Variants in CSNK2A2 observed in about 807,000 individuals in gnomAD.
CSNK2A2 encodes casein kinase 2 alpha 2.
CSNK2A2 carries 8 observed loss-of-function variants against 54.0 expected under a neutral mutation model. The ratio of observed to expected loss-of-function variants is 0.15; its 90% CI spans 0.09 to 0.27. The LOEUF is 0.27. Among genes scored for constraint, CSNK2A2 ranks in the 10% least tolerant of loss-of-function variants. The pLI is 1.00. For missense variants in CSNK2A2, 242 were observed against 439.4 expected, an observed-to-expected ratio of 0.55 and a Z score of 4.02; for synonymous variants, 141 against 153.9, an observed-to-expected ratio of 0.92 and a Z score of 0.62.
At chr16:58,187,391 A>C (rs930850690) in intron 2 of CSNK2A2, among the ~76,000 whole-genome samples, 1 of 152,144 alleles carries the variant, frequency 6.6e-6, no homozygotes, top group Non-Finnish European at 1.5e-5. Context: ...CTAGAATCTG[A>C]AATCAGCACA....
At chr16:58,165,517 T>C in intron 10 of CSNK2A2, 43 bp downstream of exon 10, 1 of 1,540,340 alleles carries the variant, frequency 6.5e-7, no homozygotes, top group Non-Finnish European at 8.7e-7. Flanking sequence ...AGATTTGTTC[T>C]CTTGACTGAA....
intron 4 of CSNK2A2, among the ~76,000 whole-genome samples, chr16:58,176,287 A>G (rs1385391976): frequency 6.6e-6 from 1 of 152,200 alleles, no homozygotes; most frequent in Non-Finnish European, 1.5e-5. Flanking sequence ...CTCCCTCATC[A>G]TGTGGTACCT....
chr16:58,180,654 T>C (rs1962012925), intron 4 of CSNK2A2, among the ~76,000 whole-genome samples: 1 of 152,144 alleles, frequency 6.6e-6, no homozygotes, highest in African/African-American at 2.4e-5. Flanking sequence ...TAGTATAACC[T>C]TGATAGCAAA....
chr16:58,196,396 G>A (rs1263659121), intron 2 of CSNK2A2, among the ~76,000 whole-genome samples: 1 of 150,466 alleles, frequency 6.6e-6, no homozygotes, highest in Non-Finnish European at 1.5e-5. Flanking sequence ...TCCTTTTGGA[G>A]GACTGCTTGA....
At chr16:58,177,013 A>C (rs147983311) in intron 4 of CSNK2A2, among the ~76,000 whole-genome samples, 2 of 152,230 alleles carry the variant, frequency 1.3e-5, no homozygotes, top group African/African-American at 4.8e-5. Flanking sequence ...AAGATCTCTG[A>C]ACTCTCCCCA....
At chr16:58,184,210 A>C in intron 4 of CSNK2A2, 50 bp downstream of exon 4, 3 of 1,420,838 alleles carry the variant, frequency 2.1e-6, no homozygotes, top group Non-Finnish European at 2.9e-6. Flanking sequence ...ATTTATCACC[A>C]GCTCCCCCTC....
At chr16:58,179,076 G>C (rs1453384195) in intron 4 of CSNK2A2, among the ~76,000 whole-genome samples, 1 of 152,074 alleles carries the variant, frequency 6.6e-6, no homozygotes, top group Non-Finnish European at 1.5e-5. Flanking sequence ...AAATTTCTTT[G>C]GTATACTAAA....
rs918679335 is a variant in CSNK2A2, at chr16:58,186,974, CAA to C, written c.217-120_217-119del. On this transcript the variant is annotated intron_variant, in intron 2 of 11. Coordinates refer to ENST00000262506, the MANE Select transcript of CSNK2A2 (RefSeq NM_001896.4). ...GCTATCTTGTACACTCTGTTGTGTT[CAA>C]GAGTGTGCCTAAATTTGAAAAAACT... The C allele has an allele frequency of 1.1e-4, 82 of 740,326 alleles. No homozygotes were observed. The African/African-American group carries it at 1.1e-3, about 10-fold the overall frequency. The allele number at this position is 740,326 out of a possible 1,614,324, so 45.9% of individuals were successfully genotyped here.
intron 3 of CSNK2A2, 31 bp downstream of exon 3, chr16:58,186,724 T>C (rs775020359): frequency 1.2e-5 from 18 of 1,520,834 alleles, no homozygotes; most frequent in African/African-American, 5.5e-5. Flanking sequence ...CCCGGTCTAC[T>C]AGTATACTCC....
At chr16:58,178,913 T>G (rs1440141963) in intron 4 of CSNK2A2, among the ~76,000 whole-genome samples, 1 of 152,216 alleles carries the variant, frequency 6.6e-6, no homozygotes, top group African/African-American at 2.4e-5. Context: ...TCACGTTCTC[T>G]GAACATAGTG....
At chr16:58,173,400 T>G (rs1423818663) in intron 5 of CSNK2A2, among the ~76,000 whole-genome samples, 1 of 152,206 alleles carries the variant, frequency 6.6e-6, no homozygotes, top group Non-Finnish European at 1.5e-5. Context: ...AGACTGCATA[T>G]TAATACATGC....
At chr16:58,184,792 T>G (rs372937700) in intron 3 of CSNK2A2, among the ~76,000 whole-genome samples, 14 of 152,204 alleles carry the variant, frequency 9.2e-5, no homozygotes, top group African/African-American at 3.1e-4. Context: ...CAAGCCAGAA[T>G]TGCACTTGAC....
At position 58,158,062 on chromosome 16, in the gene CSNK2A2, C is replaced by T. The variant is rs37357; in HGVS notation, c.*309G>A. ...AAAAACAGGCGGCCACGGGACGAGT[C>T]GAGGGGCTCGGGGAGCAACAGTAAC... is the stretch of plus-strand genomic sequence containing the variant. On this transcript the variant is annotated 3_prime_UTR_variant, in exon 12 of 12. Coordinates refer to ENST00000262506, the MANE Select transcript of CSNK2A2 (RefSeq NM_001896.4). 0.98 allele frequency: 150,404 copies of T among 152,764 alleles called. 74,048 individuals carry two copies. Among genetic ancestry groups the T allele is most frequent in the South Asian group, 1 (4,811 of 4,822 alleles). 9.5% of individuals were successfully genotyped at this position (152,764 alleles called of 1,614,324 possible).
chr16:58,173,548 C>T (rs1021493226), intron 5 of CSNK2A2, among the ~76,000 whole-genome samples: 4 of 152,200 alleles, frequency 2.6e-5, no homozygotes, highest in Admixed American at 6.5e-5. Flanking sequence ...ATGATCATTC[C>T]TCCACCAACC....
At chr16:58,178,392 C>T (rs1018364027) in intron 4 of CSNK2A2, among the ~76,000 whole-genome samples, 1 of 151,934 alleles carries the variant, frequency 6.6e-6, no homozygotes, top group African/African-American at 2.4e-5. Context: ...TCACGTGATT[C>T]TCCTACCTCT....
intron 8 of CSNK2A2, 22 bp from the exon 9 acceptor site, chr16:58,166,706 C>A: frequency 6.4e-7 from 1 of 1,558,588 alleles, no homozygotes; most frequent in South Asian, 1.1e-5. Context: ...AACAAACTGA[C>A]CAAATCACTG....
At chr16:58,191,302 CACA>C (rs551964463) in intron 2 of CSNK2A2, among the ~76,000 whole-genome samples, 242 of 152,236 alleles carry the variant, frequency 1.6e-3, no homozygotes, top group African/African-American at 5.6e-3. Flanking sequence ...GTGATGGTTG[CACA>C]ACATTACCCA....
chr16:58,158,337 G>C lies in CSNK2A2; in HGVS notation c.*34C>G, dbSNP rs1040956271. Reference sequence around the variant, plus strand: ...TTCTTGTTCTGCTTATGGAAAAGTGGGAGAACCGCAACAGACCTGGGGAAA... The same window carrying C: ...TTCTTGTTCTGCTTATGGAAAAGTGCGAGAACCGCAACAGACCTGGGGAAA... On this transcript the variant is annotated 3_prime_UTR_variant, in exon 12 of 12. Transcript: ENST00000262506. 3.9e-5 allele frequency: 6 copies of C among 152,710 alleles called. No individual in the cohort carries two copies. Among genetic ancestry groups the C allele is most frequent in the African/African-American group, 1.4e-4 (6 of 41,442 alleles). 9.5% of individuals were successfully genotyped at this position (152,710 alleles called of 1,614,324 possible).
intron 4 of CSNK2A2, among the ~76,000 whole-genome samples, chr16:58,175,979 A>G (rs979499648): frequency 1.3e-5 from 2 of 152,092 alleles, no homozygotes; most frequent in Admixed American, 6.5e-5. Flanking sequence ...CACACACCCA[A>G]GCTTTTTGTT....
Sources: allele counts gnomAD v4.1 joint callset (sites outside exome capture counted in the v4.1 genomes callset), GRCh38; gene constraint gnomAD v4.1.1; transcripts MANE v1.5; gene names NCBI Gene and HGNC (gene_info 2026-07-23, HGNC 2026-07-21).